The following SLC30A9 variants were observed in gnomAD, a reference collection of about 807,000 sequenced individuals.
The protein encoded by SLC30A9 is solute carrier family 30 member 9, also known as proton-coupled zinc antiporter SLC30A9, mitochondrial.
A neutral mutation model predicts 87.5 loss-of-function variants in SLC30A9; 58 were observed. The ratio of observed to expected loss-of-function variants is 0.66; its 90% confidence interval spans 0.54 to 0.82. The LOEUF is 0.82. SLC30A9 is among the 40% of genes least tolerant of loss of function. The pLI, the probability that SLC30A9 is intolerant of heterozygous loss-of-function variation, is 0.00. For missense variants in SLC30A9, 557 were observed against 679.1 expected (o/e 0.82, Z 2.00); for synonymous variants, 234 against 233.0 (o/e 1.00, Z -0.04).
intron 2 of SLC30A9, 85 bp from the exon 3 acceptor site, chr4:42,018,026 T>A: frequency 1.4e-6 from 1 of 722,712 alleles, no homozygotes; most frequent in Non-Finnish European, 2.4e-6. Context: ...TATGCATTGC[T>A]ATATTACATT....
intron 1 of SLC30A9, among the ~76,000 whole-genome samples, chr4:41,992,134 C>G (rs2153131704): frequency 6.6e-6 from 1 of 152,046 alleles, no homozygotes; most frequent in South Asian, 2.1e-4. Flanking sequence ...CGCTTCAGCC[C>G]AGGAGTTCCA....
chr4:42,000,359 T>G (rs894718480), intron 1 of SLC30A9, among the ~76,000 whole-genome samples: 2 of 152,146 alleles, frequency 1.3e-5, no homozygotes, highest in Non-Finnish European at 2.9e-5. Flanking sequence ...GTGTGTTTCC[T>G]ATGAAAATCT....
chr4:42,036,263 T>C (rs1287612535), intron 7 of SLC30A9, among the ~76,000 whole-genome samples: 4 of 152,172 alleles, frequency 2.6e-5, no homozygotes, highest in Admixed American at 2.0e-4. Flanking sequence ...TTCATAAAAG[T>C]ACCTCATCTT....
intron 9 of SLC30A9, among the ~76,000 whole-genome samples, chr4:42,056,040 G>A (rs997557520): frequency 1.3e-5 from 2 of 152,284 alleles, no homozygotes; most frequent in East Asian, 3.9e-4. Flanking sequence ...CTGTGATTCT[G>A]TCTTACCTCT....
At chr4:41,993,674 C>A (rs1276795033) in intron 1 of SLC30A9, among the ~76,000 whole-genome samples, 1 of 151,904 alleles carries the variant, frequency 6.6e-6, no homozygotes, top group Non-Finnish European at 1.5e-5. Context: ...CGGTTTATGC[C>A]CTCTGACCTA....
intron 8 of SLC30A9, among the ~76,000 whole-genome samples, chr4:42,039,896 A>G (rs1050891602): frequency 6.8e-5 from 6 of 87,598 alleles, no homozygotes; most frequent in African/African-American, 1.6e-4. Context: ...TTAAATATAT[A>G]TATGTAAAAT....
chr4:42,054,238 A>T (rs1717508610), intron 9 of SLC30A9, among the ~76,000 whole-genome samples: 1 of 152,068 alleles, frequency 6.6e-6, no homozygotes, highest in African/African-American at 2.4e-5. Context: ...CATGCCTGTA[A>T]TCCCAGCTAC....
intron 6 of SLC30A9, among the ~76,000 whole-genome samples, chr4:42,030,933 C>T (rs989826632): frequency 6.6e-6 from 1 of 152,026 alleles, no homozygotes; most frequent in Admixed American, 6.6e-5. Context: ...TTTTACTTTC[C>T]TTTTTTCCTT....
In SLC30A9 at chr4:42,005,158, C is replaced by T. The variant is rs547239099; in HGVS notation, c.274+3378C>T. On this transcript the variant is annotated intron_variant, in intron 2 of 17. Transcript: ENST00000264451. Reference sequence around the variant, plus strand: ...CCTTTTTTGCTCTTATTCATGATGTCGTACCTGTGTTTTATAACTGTGAGT... The same window carrying T: ...CCTTTTTTGCTCTTATTCATGATGTTGTACCTGTGTTTTATAACTGTGAGT... Among the ~76,000 whole-genome samples the T allele has an allele frequency of 2.2e-4, 33 of 152,154 alleles. 1 individual carries two copies. In the South Asian group the frequency reaches 4.8e-3, roughly 22 times the overall value.
intron 9 of SLC30A9, among the ~76,000 whole-genome samples, chr4:42,059,213 G>A (rs1717747390): frequency 6.6e-6 from 1 of 152,036 alleles, no homozygotes; most frequent in African/African-American, 2.4e-5. Context: ...ATATGATGCT[G>A]GAAAAAGGAA....
chr4:42,024,507 A>C (rs1716105569), intron 6 of SLC30A9, among the ~76,000 whole-genome samples: 1 of 152,246 alleles, frequency 6.6e-6, no homozygotes, highest in Non-Finnish European at 1.5e-5. Context: ...GTTAGAAAGA[A>C]TACATCAATA....
intron 2 of SLC30A9, among the ~76,000 whole-genome samples, chr4:42,002,466 T>C (rs1456312251): frequency 6.6e-6 from 1 of 152,024 alleles, no homozygotes; most frequent in Non-Finnish European, 1.5e-5. Flanking sequence ...CTATTTTTGC[T>C]ATCTTTATGT....
At chr4:42,049,240 A>G (rs7684837) in intron 8 of SLC30A9, 137 bp from the exon 9 acceptor site, 382,047 of 509,956 alleles carry the variant, frequency 0.75, 150,839 homozygotes, top group East Asian at 0.97. Context: ...TGTTGGCATT[A>G]TAGGTGTGAG....
At chr4:42,042,449 G>C (rs1339688507) in intron 8 of SLC30A9, among the ~76,000 whole-genome samples, 2 of 152,126 alleles carry the variant, frequency 1.3e-5, no homozygotes, top group Admixed American at 6.5e-5. Context: ...TGTAAACAAA[G>C]CCATCAGGAA....
chr4:42,047,057 T>C (rs1717188834), intron 8 of SLC30A9, among the ~76,000 whole-genome samples: 1 of 152,244 alleles, frequency 6.6e-6, no homozygotes, highest in Non-Finnish European at 1.5e-5. Flanking sequence ...ACCCTGTCTT[T>C]ATACCTTATA....
In SLC30A9 at chr4:42,011,712, A is replaced by G. The variant is rs936573996; in HGVS notation, c.275-6399A>G. On this transcript the variant is annotated intron_variant, in intron 2 of 17. Coordinates refer to ENST00000264451, the MANE Select transcript of SLC30A9 (RefSeq NM_006345.4). ...AGTTGAAGCTAAAATAACAGCTTCAATTGCTTTAAAATAAGTTTAATGTTC... is the reference window on the plus strand; with the variant it reads ...AGTTGAAGCTAAAATAACAGCTTCAGTTGCTTTAAAATAAGTTTAATGTTC... Among the ~76,000 whole-genome samples, 5 of 152,218 alleles carry G rather than the reference A, an allele frequency of 3.3e-5. No individual in the cohort carries two copies. In the South Asian group the frequency reaches 1.0e-3, roughly 32 times the overall value.
intron 1 of SLC30A9, among the ~76,000 whole-genome samples, chr4:41,999,562 A>G (rs1714888185): frequency 6.6e-6 from 1 of 152,198 alleles, no homozygotes; most frequent in Admixed American, 6.5e-5. Context: ...TTTATAGAAC[A>G]TACAGAAGAA....
intron 11 of SLC30A9, 64 bp from the exon 12 acceptor site, chr4:42,065,246 T>C: frequency 1.2e-6 from 1 of 863,658 alleles, no homozygotes; most frequent in Non-Finnish European, 2.0e-6. Context: ...TTACGGACTT[T>C]ATATATGAAC....
rs755493271 is a variant in SLC30A9 at position 42,020,436 on chromosome 4, A to G, written c.355A>G (p.Arg119Gly). ...QVRVKAVLKK[R>G]EYGSKYTQNN... ...TTTAGTTAAAGCAGTCCTTAAGAAA[A>G]GGGAGTATGGCTCAAAGTACACTCA... Residue 119 changes from arginine to glycine, a missense_variant, in exon 4 of 18, where the codon AGG becomes GGG. Arg to Gly is a moderately radical substitution (Grantham distance 125, BLOSUM62 -2). Transcript: ENST00000264451. The G allele has an allele frequency of 1.0e-5, 16 of 1,558,024 alleles. No homozygotes were observed. The highest frequency in any genetic ancestry group is 1.4e-5 in the Non-Finnish European group (16 of 1,132,184).
Sources: gnomAD v4.1 joint callset for allele counts (sites outside exome capture counted in the v4.1 genomes callset) on GRCh38, gnomAD v4.1.1 for gene constraint, MANE v1.5 for transcripts, NCBI Gene and HGNC (gene_info 2026-07-23, HGNC 2026-07-21) for gene names.